SLC16A7: variants seen among roughly 807,000 people sequenced by gnomAD.
The protein encoded by SLC16A7 is solute carrier family 16 member 7.
In SLC16A7, 33 loss-of-function variants were observed where a neutral mutation model predicts 34.9. That is an observed-to-expected ratio of 0.94 (90% CI 0.72 to 1.26). The LOEUF is 1.26. SLC16A7 is among the 50% of genes most tolerant of loss of function. The pLI is 0.00. For missense variants in SLC16A7, 573 were observed against 578.1 expected, an observed-to-expected ratio of 0.99 and a Z score of 0.09; for synonymous variants, 201 against 206.6, an observed-to-expected ratio of 0.97 and a Z score of 0.23.
intron 3 of SLC16A7, chr12:59,720,129 A>G (rs1795893): frequency 0.1 from 72,564 of 696,910 alleles, 4,813 homozygotes; most frequent in African/African-American, 0.22. Flanking sequence ...TTGACGTGTT[A>G]TTATGGGATC....
At chr12:59,624,849 G>A (rs1032438574) in intron 1 of SLC16A7, among the ~76,000 whole-genome samples, 14 of 151,226 alleles carry the variant, frequency 9.3e-5, no homozygotes, top group Admixed American at 7.3e-4. Flanking sequence ...GTGACAGCAG[G>A]GCATATCACC....
At chr12:59,752,354 T>C (rs965215790) in intron 3 of SLC16A7, among the ~76,000 whole-genome samples, 1 of 152,028 alleles carries the variant, frequency 6.6e-6, no homozygotes, top group African/African-American at 2.4e-5. Context: ...TTGAAAACTT[T>C]GAAAAAAATT....
At chr12:59,705,126 T>C (rs1420940954) in intron 3 of SLC16A7, 108 bp downstream of exon 3, 2 of 730,026 alleles carry the variant, frequency 2.7e-6, no homozygotes, top group South Asian at 1.7e-5. Context: ...TTTTATGTTA[T>C]AGTCACTTAA....
intron 1 of SLC16A7, among the ~76,000 whole-genome samples, chr12:59,650,629 A>G (rs1037090101): frequency 2.6e-5 from 4 of 152,160 alleles, no homozygotes; most frequent in Admixed American, 1.3e-4. Context: ...ACAAAAATCT[A>G]TCTCTCTGTA....
At chr12:59,652,044 G>A (rs1484432333) in intron 1 of SLC16A7, among the ~76,000 whole-genome samples, 1 of 151,976 alleles carries the variant, frequency 6.6e-6, no homozygotes, top group African/African-American at 2.4e-5. Flanking sequence ...GTTAAAGGGA[G>A]AAACTCTCCT....
intron 2 of SLC16A7, among the ~76,000 whole-genome samples, chr12:59,703,622 A>T (rs565607010): frequency 6.6e-6 from 1 of 152,086 alleles, no homozygotes; most frequent in African/African-American, 2.4e-5. Flanking sequence ...TAATTAAAAA[A>T]CATTTTAGGG....
At position 59,757,371 on chromosome 12, in the gene SLC16A7, C is replaced by T. The variant is rs1483726446; in HGVS notation, c.218-13848C>T. ...TACCTATGTAACAAACCTGCACATT[C>T]TGCACATGTATCCCAGAACTTTAAT... On this transcript the variant is annotated intron_variant, in intron 3 of 5. Transcript: ENST00000547379. 2.6e-5 allele frequency among the ~76,000 whole-genome samples: 4 copies of T among 152,190 alleles called. No homozygotes were observed. The East Asian group carries it at 5.8e-4, about 22-fold the overall frequency.
chr12:59,613,136 G>A (rs1228207712), intron 1 of SLC16A7, among the ~76,000 whole-genome samples: 1 of 152,226 alleles, frequency 6.6e-6, no homozygotes, highest in Admixed American at 6.5e-5. Context: ...GTTCCACATG[G>A]CTGCGAGGCC....
chr12:59,633,196 T>G (rs1880262092), intron 1 of SLC16A7, among the ~76,000 whole-genome samples: 1 of 152,026 alleles, frequency 6.6e-6, no homozygotes, highest in South Asian at 2.1e-4. Flanking sequence ...TTAAGGTTCC[T>G]TTGTACTATT....
At chr12:59,632,674 A>G in intron 1 of SLC16A7, among the ~76,000 whole-genome samples, 1 of 152,036 alleles carries the variant, frequency 6.6e-6, no homozygotes, top group Non-Finnish European at 1.5e-5. Flanking sequence ...ACATGTTTCC[A>G]AGCATTGCCA....
chr12:59,663,852 A>G (rs1036905716), intron 2 of SLC16A7, among the ~76,000 whole-genome samples: 3 of 152,044 alleles, frequency 2.0e-5, no homozygotes, highest in Non-Finnish European at 4.4e-5. Context: ...TTATGTTATT[A>G]CCTGGTTATT....
chr12:59,644,688 C>A (rs1880832852), intron 1 of SLC16A7, among the ~76,000 whole-genome samples: 1 of 152,154 alleles, frequency 6.6e-6, no homozygotes, highest in South Asian at 2.1e-4. Context: ...AAAAAAATTT[C>A]TAAGTTAATG....
rs559874128 is a variant in SLC16A7 at position 59,663,380 on chromosome 12, A to G, written c.-31+8130A>G. On this transcript the variant is annotated intron_variant, in intron 2 of 5. Transcript: ENST00000547379. ...ATTATCAATATAAAAAAAGTAGTTG[A>G]TAAAGCAAACAATATTGAAATTTTA... 8.5e-5 allele frequency among the ~76,000 whole-genome samples: 13 copies of G among 152,106 alleles called. No individual in the cohort carries two copies. In the East Asian group the frequency reaches 2.5e-3, roughly 29 times the overall value.
chr12:59,608,239 C>T (rs1423746236), intron 1 of SLC16A7, among the ~76,000 whole-genome samples: 1 of 152,122 alleles, frequency 6.6e-6, no homozygotes, highest in African/African-American at 2.4e-5. Context: ...CCTGTAGTAT[C>T]AGTTCTTAAT....
chr12:59,752,365 T>TA (rs1239149342), intron 3 of SLC16A7, among the ~76,000 whole-genome samples: 1 of 152,092 alleles, frequency 6.6e-6, no homozygotes, highest in East Asian at 1.9e-4. Flanking sequence ...GAAAAAAATT[T>TA]AGACGAATGT....
chr12:59,640,459 C>G (rs527904198), intron 1 of SLC16A7, among the ~76,000 whole-genome samples: 2 of 152,024 alleles, frequency 1.3e-5, no homozygotes, highest in South Asian at 4.2e-4. Context: ...TAGAATTTCA[C>G]TTTTCCAAGC....
chr12:59,674,649 T>C (rs1870156644), intron 2 of SLC16A7, among the ~76,000 whole-genome samples: 2 of 152,108 alleles, frequency 1.3e-5, no homozygotes, highest in Non-Finnish European at 2.9e-5. Flanking sequence ...ATCAGCTCTC[T>C]AAAGTAAGAG....
chr12:59,766,940 A>G (rs933612592), intron 3 of SLC16A7, among the ~76,000 whole-genome samples: 1 of 152,144 alleles, frequency 6.6e-6, no homozygotes, highest in South Asian at 2.1e-4. Context: ...GGTAGAATTC[A>G]GCTGTGAATC....
chr12:59,782,192 G>A lies in SLC16A7; in HGVS notation c.*2513G>A, dbSNP rs2137495756. On this transcript the variant is annotated 3_prime_UTR_variant, in exon 6 of 6. Coordinates refer to ENST00000547379, the MANE Select transcript of SLC16A7 (RefSeq NM_001270623.2). ...TTACAAATATGCACACACGTTAACT[G>A]CTATGCATAAATATTGACAGTTAAA... is the stretch of plus-strand genomic sequence containing the variant. 1 of 152,292 alleles carries A rather than the reference G, an allele frequency of 6.6e-6. No homozygotes were observed. The highest frequency in any genetic ancestry group is 3.4e-3 in the Middle Eastern group (1 of 294). 9.4% of individuals were successfully genotyped at this position (152,292 alleles called of 1,614,324 possible).
Sources: allele counts gnomAD v4.1 joint callset (sites outside exome capture counted in the v4.1 genomes callset), GRCh38; gene constraint gnomAD v4.1.1; transcripts MANE v1.5; gene names NCBI Gene and HGNC (gene_info 2026-07-23, HGNC 2026-07-21).